Variants in FGF14 observed in about 807,000 individuals in gnomAD.
The protein encoded by FGF14 is fibroblast growth factor homologous factor 4.
FGF14 carries 5 observed loss-of-function variants against 25.5 expected under a neutral mutation model. The ratio of observed to expected loss-of-function variants is 0.20; its 90% CI spans 0.10 to 0.41. The LOEUF is 0.41. Among genes scored for constraint, FGF14 ranks in the 10% least tolerant of loss-of-function variants. FGF14 has a pLI of 1.00. For missense variants in FGF14, 222 were observed against 320.1 expected (o/e 0.69, Z 2.34); for synonymous variants, 138 against 118.3 (o/e 1.17, Z -1.08).
chr13:101,747,316 A>G (rs190810719), intron 3 of FGF14, among the ~76,000 whole-genome samples: 1 of 152,180 alleles, frequency 6.6e-6, no homozygotes, highest in Admixed American at 6.6e-5. Flanking sequence ...AAGCTCTATA[A>G]TAAGTGTCAG....
intron 3 of FGF14, among the ~76,000 whole-genome samples, chr13:101,778,063 T>A (rs1247803133): frequency 6.6e-6 from 1 of 152,202 alleles, no homozygotes; most frequent in African/African-American, 2.4e-5. Context: ...CTTGAGGTAC[T>A]TCGTGAGAGT....
chr13:102,097,008 T>C (rs2044432896), intron 1 of FGF14, among the ~76,000 whole-genome samples: 1 of 150,158 alleles, frequency 6.7e-6, no homozygotes, highest in Non-Finnish European at 1.5e-5. Context: ...AACTGTCTGC[T>C]TCAGGCAAAT....
intron 1 of FGF14, among the ~76,000 whole-genome samples, chr13:102,031,882 G>A (rs1380371814): frequency 6.6e-6 from 1 of 152,026 alleles, no homozygotes; most frequent in Non-Finnish European, 1.5e-5. Context: ...GAATAATGGT[G>A]ATGAGATTTC....
At chr13:102,369,890 A>G (rs2057825476) in intron 1 of FGF14, among the ~76,000 whole-genome samples, 1 of 152,212 alleles carries the variant, frequency 6.6e-6, no homozygotes, top group Non-Finnish European at 1.5e-5. Context: ...AGGTTTTATG[A>G]TTTTAATGCT....
intron 1 of FGF14, among the ~76,000 whole-genome samples, chr13:102,084,638 C>T (rs2043803283): frequency 6.6e-6 from 1 of 150,766 alleles, no homozygotes; most frequent in South Asian, 2.1e-4. Context: ...ACAAATTATA[C>T]ATTGTCAAAG....
chr13:102,254,152 C>T (rs2052331862), intron 1 of FGF14, among the ~76,000 whole-genome samples: 1 of 152,184 alleles, frequency 6.6e-6, no homozygotes, highest in East Asian at 1.9e-4. Context: ...AAGTTAACAA[C>T]CTTAAACAAT....
intron 1 of FGF14, among the ~76,000 whole-genome samples, chr13:102,075,405 A>G (rs2043319358): frequency 6.6e-6 from 1 of 152,176 alleles, no homozygotes; most frequent in Admixed American, 6.5e-5. Context: ...GTGGCCCTAT[A>G]AGATTATAAT....
chr13:101,809,317 G>T (rs1018394449), intron 3 of FGF14, among the ~76,000 whole-genome samples: 1 of 151,988 alleles, frequency 6.6e-6, no homozygotes, highest in African/African-American at 2.4e-5. Flanking sequence ...TTAACCTTAT[G>T]CCTTTTTACC....
intron 1 of FGF14, among the ~76,000 whole-genome samples, chr13:102,399,227 A>C (rs1223440570): frequency 6.6e-6 from 1 of 152,160 alleles, no homozygotes; most frequent in African/African-American, 2.4e-5. Flanking sequence ...AAAATTGTTT[A>C]CAAAAAAAAT....
At chr13:101,944,264 T>C (rs2035666194) in intron 1 of FGF14, among the ~76,000 whole-genome samples, 1 of 152,188 alleles carries the variant, frequency 6.6e-6, no homozygotes, top group Admixed American at 6.5e-5. Flanking sequence ...CAGGATTAAA[T>C]GAAGTAATGC....
intron 1 of FGF14, among the ~76,000 whole-genome samples, chr13:102,119,867 C>T (rs910444350): frequency 6.6e-6 from 1 of 152,168 alleles, no homozygotes; most frequent in Non-Finnish European, 1.5e-5. Flanking sequence ...GTACAGAGAG[C>T]AGGATCCACC....
rs1372880788 is a variant in FGF14 at position 101,711,993 on chromosome 13, A to T, written c.*10838T>A. 1 of 152,240 alleles carries T rather than the reference A, an allele frequency of 6.6e-6. No homozygotes were observed. The highest frequency in any genetic ancestry group is 1.5e-5 in the Non-Finnish European group (1 of 68,070). 9.4% of individuals were successfully genotyped at this position (152,240 alleles called of 1,614,324 possible). On this transcript the variant is annotated 3_prime_UTR_variant, in exon 5 of 5. Transcript: ENST00000376143. Reference sequence around the variant, plus strand: ...TCACCTCTTGATAGTCATGCAGCCTACATCTGTCTGATGGAACCCTCTCCC... The same window carrying T: ...TCACCTCTTGATAGTCATGCAGCCTTCATCTGTCTGATGGAACCCTCTCCC...
intron 1 of FGF14, among the ~76,000 whole-genome samples, chr13:102,356,718 C>T (rs924901048): frequency 6.6e-6 from 1 of 152,034 alleles, no homozygotes; most frequent in Non-Finnish European, 1.5e-5. Flanking sequence ...AATAGCAGGG[C>T]ATTGGTTACA....
intron 1 of FGF14, among the ~76,000 whole-genome samples, chr13:101,996,308 G>A (rs1304603073): frequency 6.6e-6 from 1 of 152,154 alleles, no homozygotes; most frequent in Non-Finnish European, 1.5e-5. Context: ...TCAGTAGATT[G>A]TGTTGAGCAT....
chr13:101,868,458 A>T (rs2044857634), intron 3 of FGF14: 3 of 358,276 alleles, frequency 8.4e-6, no homozygotes. Context: ...CTAGAAATAC[A>T]AAAGATTAGA....
chr13:102,376,880 G>A (rs2058052679), intron 1 of FGF14, among the ~76,000 whole-genome samples: 1 of 152,162 alleles, frequency 6.6e-6, no homozygotes, highest in African/African-American at 2.4e-5. Context: ...AAAGGGAGAA[G>A]TTTGTTGTTT....
rs536131513 is a variant in FGF14 at position 102,234,041 on chromosome 13, G to C, written c.208+167430C>G. ...GTAGAAAGGTGGTTGCCAGGGACTGGGGAAAGTGGAGAATGTGGAGTGGTT... is the reference window on the plus strand; with the variant it reads ...GTAGAAAGGTGGTTGCCAGGGACTGCGGAAAGTGGAGAATGTGGAGTGGTT... On this transcript the variant is annotated intron_variant, in intron 1 of 4. Coordinates refer to the FGF14 transcript ENST00000376131. Among the ~76,000 whole-genome samples the C allele has an allele frequency of 1.1e-3, 171 of 152,266 alleles. 2 individuals are homozygous for C. Among genetic ancestry groups the C allele is most frequent in the African/African-American group, 3.7e-3 (154 of 41,552 alleles).
intron 1 of FGF14, among the ~76,000 whole-genome samples, chr13:102,115,529 A>G (rs687107): frequency 0.53 from 79,968 of 151,438 alleles, 22,293 homozygotes; most frequent in East Asian, 0.75. Flanking sequence ...GCTTCTTTTA[A>G]TAAGTGTCTG....
At chr13:102,359,853 T>TAAA (rs34833298) in intron 1 of FGF14, among the ~76,000 whole-genome samples, 1 of 140,854 alleles carries the variant, frequency 7.1e-6, no homozygotes, top group Non-Finnish European at 1.6e-5. Context: ...AACTTTATGT[T>TAAA]AAAAAAAAAA....
Sources: gnomAD v4.1 joint callset for allele counts (sites outside exome capture counted in the v4.1 genomes callset) on GRCh38, gnomAD v4.1.1 for gene constraint, MANE v1.5 for transcripts, NCBI Gene and HGNC (gene_info 2026-07-23, HGNC 2026-07-21) for gene names.